ADAM10: variants seen among roughly 807,000 people sequenced by gnomAD.
ADAM10 encodes the protein ADAM metallopeptidase domain 10.
ADAM10 carries 17 observed loss-of-function variants against 90.1 expected under a neutral mutation model. The ratio of observed to expected loss-of-function variants is 0.19; its 90% CI spans 0.13 to 0.28. The LOEUF (loss-of-function observed/expected upper bound fraction) is 0.28, where lower values mean the gene tolerates loss of function less well. Among genes scored for constraint, ADAM10 ranks in the 10% least tolerant of loss-of-function variants. The probability of loss-of-function intolerance (pLI) is 1.00; values close to 1 mark genes in which losing one functional copy is unlikely to be tolerated. For missense variants in ADAM10, 610 were observed against 914.3 expected (o/e 0.67, Z 4.29); for synonymous variants, 310 against 298.6 (o/e 1.04, Z -0.40).
At position 58,593,798 on chromosome 15, in the gene ADAM10, T is replaced by C. The variant is rs1249796856; in HGVS notation, c.*3749A>G. 3 of 152,178 alleles carry C rather than the reference T, an allele frequency of 2.0e-5. No homozygotes were observed. The highest frequency in any genetic ancestry group is 4.8e-5 in the African/African-American group (2 of 41,452). 9.4% of individuals were successfully genotyped at this position (152,178 alleles called of 1,614,324 possible). A position where few individuals can be genotyped will look rare whatever the true frequency, so the allele number is the denominator to read the frequency against. On this transcript the variant is annotated 3_prime_UTR_variant, in exon 16 of 16. Coordinates refer to ENST00000260408, the MANE Select transcript of ADAM10 (RefSeq NM_001110.4). Reference sequence around the variant, plus strand: ...GATGCTCTGAAGAACTTACCAATTATAAAATACATGAATTTCTACTGAAAA... The same window carrying C: ...GATGCTCTGAAGAACTTACCAATTACAAAATACATGAATTTCTACTGAAAA...
chr15:58,610,626 CCATAA>C lies in ADAM10; in HGVS notation c.1805-114_1805-110del, dbSNP rs1231849768. ...GAGGGAAAAAAAACTGAAATCATTA[CCATAA>C]CATGTTATACAGACCTTCTCTAGTT... On this transcript the variant is annotated intron_variant, in intron 13 of 15. Coordinates refer to ENST00000260408, the MANE Select transcript of ADAM10 (RefSeq NM_001110.4). 1.9e-5 allele frequency: 20 copies of C among 1,052,598 alleles called. No homozygotes were observed. The African/African-American group carries it at 2.2e-4, about 12-fold the overall frequency. The allele number at this position is 1,052,598 out of a possible 1,614,324, so 65.2% of individuals were successfully genotyped here.
At chr15:58,637,108 A>C (rs372891958) in intron 8 of ADAM10, among the ~76,000 whole-genome samples, 57 of 152,252 alleles carry the variant, frequency 3.7e-4, no homozygotes, top group Non-Finnish European at 6.0e-4. Context: ...AGAATTCAAT[A>C]AGCTGTGGGT....
Position 58,686,913 on chromosome 15 carries a change from A to C in ADAM10, c.207-4599T>G, listed in dbSNP as rs527925456. On this transcript the variant is annotated intron_variant, in intron 2 of 15. Coordinates refer to ENST00000260408, the MANE Select transcript of ADAM10 (RefSeq NM_001110.4). ...CATACCAAAATGCACCTCTTTCATA[A>C]GTGAGTTACTAAGATTTCTATACCT... Among the ~76,000 whole-genome samples, 9 of 152,332 alleles carry C rather than the reference A, an allele frequency of 5.9e-5. No individual in the cohort carries two copies. In the East Asian group the frequency reaches 1.7e-3, roughly 29 times the overall value.
chr15:58,615,836 C>T (rs187690856), intron 11 of ADAM10, among the ~76,000 whole-genome samples: 2 of 152,126 alleles, frequency 1.3e-5, no homozygotes, highest in East Asian at 1.9e-4. Context: ...GGCAAAACCC[C>T]GTCTCTATTA....
chr15:58,715,290 C>T (rs932381700), intron 2 of ADAM10, among the ~76,000 whole-genome samples: 16 of 151,838 alleles, frequency 1.1e-4, no homozygotes, highest in South Asian at 4.2e-4. Flanking sequence ...GGCATGGTGG[C>T]GCACACCTGT....
chr15:58,590,081 T>C lies in ADAM10; in HGVS notation c.*7466A>G, dbSNP rs1190870135. 6.6e-6 allele frequency: 1 copy of C among 152,214 alleles called. No individual in the cohort carries two copies. The highest frequency in any genetic ancestry group is 2.1e-4 in the South Asian group (1 of 4,832). 9.4% of individuals were successfully genotyped at this position (152,214 alleles called of 1,614,324 possible). ...CCAATCGACATTATTAAAAATTCTA[T>C]GTAATCTATTTAAACTCTCTTCATC... On this transcript the variant is annotated 3_prime_UTR_variant, in exon 16 of 16. Transcript: ENST00000260408.
chr15:58,697,064 C>G (rs1365156747), intron 2 of ADAM10, among the ~76,000 whole-genome samples: 1 of 152,218 alleles, frequency 6.6e-6, no homozygotes, highest in Admixed American at 6.5e-5. Context: ...CCCCCAGCAG[C>G]AGAGCTGCTA....
intron 11 of ADAM10, among the ~76,000 whole-genome samples, chr15:58,620,182 C>T (rs1895738424): frequency 6.6e-6 from 1 of 151,800 alleles, no homozygotes; most frequent in African/African-American, 2.4e-5. Flanking sequence ...ACATATTGAA[C>T]TGGCCGGGTG....
intron 5 of ADAM10, among the ~76,000 whole-genome samples, chr15:58,647,599 A>G (rs1413639594): frequency 6.6e-6 from 1 of 152,034 alleles, no homozygotes; most frequent in Non-Finnish European, 1.5e-5. Flanking sequence ...CCCAGGCTGG[A>G]GTGCAGTGGC....
At chr15:58,637,400 G>A (rs1896288813) in intron 8 of ADAM10, among the ~76,000 whole-genome samples, 1 of 152,036 alleles carries the variant, frequency 6.6e-6, no homozygotes, top group Non-Finnish European at 1.5e-5. Flanking sequence ...CAAAAGAAGG[G>A]CAAAGACAGA....
intron 1 of ADAM10, among the ~76,000 whole-genome samples, chr15:58,738,232 G>A (rs1397476355): frequency 2.0e-5 from 3 of 152,066 alleles, no homozygotes; most frequent in African/African-American, 7.2e-5. Context: ...TCAACTACAT[G>A]TCATAGGCAT....
intron 15 of ADAM10, among the ~76,000 whole-genome samples, chr15:58,599,202 G>A (rs577663522): frequency 2.0e-5 from 3 of 151,612 alleles, no homozygotes; most frequent in Admixed American, 6.6e-5. Flanking sequence ...AGATGGAAGG[G>A]AAGGAAGGAG....
intron 10 of ADAM10, among the ~76,000 whole-genome samples, chr15:58,623,234 C>T (rs1895839475): frequency 6.6e-6 from 1 of 152,148 alleles, no homozygotes; most frequent in African/African-American, 2.4e-5. Context: ...AAGCTTGGCA[C>T]AAACATATGC....
At chr15:58,734,995 T>A (rs1473561549) in intron 1 of ADAM10, among the ~76,000 whole-genome samples, 1 of 152,206 alleles carries the variant, frequency 6.6e-6, no homozygotes, top group Non-Finnish European at 1.5e-5. Flanking sequence ...TGTTCCCACA[T>A]GCAGAGACTG....
At chr15:58,739,729 C>T (rs1595671003) in intron 1 of ADAM10, among the ~76,000 whole-genome samples, 1 of 152,132 alleles carries the variant, frequency 6.6e-6, no homozygotes, top group Non-Finnish European at 1.5e-5. Context: ...TGATAATATG[C>T]TGTACTAATT....
At chr15:58,744,551 G>A (rs890829930) in intron 1 of ADAM10, among the ~76,000 whole-genome samples, 2 of 152,076 alleles carry the variant, frequency 1.3e-5, no homozygotes, top group Admixed American at 1.3e-4. Context: ...GGCCATTTCA[G>A]TCATTTCTGG....
intron 1 of ADAM10, among the ~76,000 whole-genome samples, chr15:58,720,399 A>ATT (rs1184717084): frequency 1.5e-4 from 4 of 25,984 alleles, no homozygotes; most frequent in Non-Finnish European, 3.5e-4. Flanking sequence ...ATTTTATTTT[A>ATT]TTTTATTTTT....
At chr15:58,617,891 A>G (rs1219989915) in intron 11 of ADAM10, among the ~76,000 whole-genome samples, 2 of 148,954 alleles carry the variant, frequency 1.3e-5, no homozygotes, top group East Asian at 3.9e-4. Flanking sequence ...AAGAAACTGA[A>G]CAAGTCAAAA....
At chr15:58,648,143 CTATA>C (rs1242110186) in intron 5 of ADAM10, among the ~76,000 whole-genome samples, 1 of 152,180 alleles carries the variant, frequency 6.6e-6, no homozygotes, top group African/African-American at 2.4e-5. Context: ...TTTTGACTAT[CTATA>C]TGTGTCCCAT....
Sources: allele counts gnomAD v4.1 joint callset (sites outside exome capture counted in the v4.1 genomes callset), GRCh38; gene constraint gnomAD v4.1.1; transcripts MANE v1.5; gene names NCBI Gene and HGNC (gene_info 2026-07-23, HGNC 2026-07-21).